CWF19L2: variants seen among roughly 807,000 people sequenced by gnomAD.
The protein encoded by CWF19L2 is CWF19-like protein 2.
In CWF19L2, 98 loss-of-function variants were observed where a neutral mutation model predicts 111.7. The observed-to-expected ratio is 0.88, with a 90% CI of 0.75 to 1.04. The LOEUF (loss-of-function observed/expected upper bound fraction) is 1.04. CWF19L2 is among the 50% of genes least tolerant of loss of function. The probability of loss-of-function intolerance (pLI) is 0.00; values close to 1 mark genes in which losing one functional copy is unlikely to be tolerated. For synonymous variants in CWF19L2, 351 were observed against 342.9 expected, an observed-to-expected ratio of 1.02 and a Z score of -0.26; for missense variants, 1,101 against 1,051.4, an observed-to-expected ratio of 1.05 and a Z score of -0.65.
intron 15 of CWF19L2, 89 bp downstream of exon 15, chr11:107,336,469 G>C: frequency 9.3e-7 from 1 of 1,069,764 alleles, no homozygotes; most frequent in Non-Finnish European, 1.4e-6. Flanking sequence ...AAGTATATAG[G>C]AGAAAAATAT....
intron 10 of CWF19L2, among the ~76,000 whole-genome samples, chr11:107,411,346 T>C (rs1861155079): frequency 6.6e-6 from 1 of 152,134 alleles, no homozygotes; most frequent in East Asian, 1.9e-4. Flanking sequence ...AAAAGTATAG[T>C]AATAGCTCTG....
At chr11:107,385,253 C>T (rs1009555508) in intron 12 of CWF19L2, among the ~76,000 whole-genome samples, 2 of 151,916 alleles carry the variant, frequency 1.3e-5, no homozygotes, top group Non-Finnish European at 2.9e-5. Context: ...CTTCCATTGG[C>T]CCCACTGCAC....
rs1363337381 is a variant in CWF19L2 at position 107,372,097 on chromosome 11, AC to A, written c.1872+17976del. Among the ~76,000 whole-genome samples the A allele has an allele frequency of 5.9e-5, 8 of 135,660 alleles. 2 individuals are homozygous for A. In the East Asian group the frequency reaches 1.1e-3, roughly 18 times the overall value. The allele number at this position is 135,660 out of a possible 152,430, so 89.0% of individuals were successfully genotyped here. On this transcript the variant is annotated intron_variant, in intron 12 of 17. Coordinates refer to ENST00000282251, the MANE Select transcript of CWF19L2 (RefSeq NM_152434.3). ...AGTCCCAAATATGAGACTCCAGAAA[AC>A]AAATATTTATTGAATGCTATTATGT...
intron 10 of CWF19L2, among the ~76,000 whole-genome samples, chr11:107,397,334 G>A (rs1167479505): frequency 6.6e-6 from 1 of 152,172 alleles, no homozygotes; most frequent in African/African-American, 2.4e-5. Context: ...GGGGCACAGT[G>A]AGAGTGAGAC....
intron 12 of CWF19L2, among the ~76,000 whole-genome samples, chr11:107,363,217 A>T (rs2508683): frequency 2.0e-5 from 3 of 151,924 alleles, no homozygotes; most frequent in South Asian, 4.2e-4. Context: ...TGAAAGTGAC[A>T]GGGAGAATGG....
rs777628193 is a variant in CWF19L2 at position 107,353,722 on chromosome 11, T to C, written c.1887A>G (p.Thr629=). ...CATCCAGGGTGTAATAGTCTCCATC[T>C]GTTTTTCCCATAAACTGAAAAACCA... The part of the protein sequence containing the change: ...MRMASKFMGK[T]DGDYYTLDDM... Residue 629 remains threonine (T), a synonymous_variant, in exon 13 of 18, where the codon ACA becomes ACG. Transcript: ENST00000282251. The C allele has an allele frequency of 1.2e-6, 2 of 1,613,718 alleles. No homozygotes were observed. Among genetic ancestry groups the C allele is most frequent in the South Asian group, 2.2e-5 (2 of 91,068 alleles).
chr11:107,389,618 T>C (rs964924274), intron 12 of CWF19L2, among the ~76,000 whole-genome samples: 3 of 152,200 alleles, frequency 2.0e-5, no homozygotes, highest in African/African-American at 7.2e-5. Flanking sequence ...TATATTTTCA[T>C]ATAAATAGAT....
intron 10 of CWF19L2, among the ~76,000 whole-genome samples, chr11:107,412,411 G>A (rs1861170108): frequency 6.6e-6 from 1 of 152,166 alleles, no homozygotes; most frequent in African/African-American, 2.4e-5. Flanking sequence ...CACAATCTCA[G>A]CTCACTGCAA....
At chr11:107,362,009 T>G (rs1197664608) in intron 12 of CWF19L2, among the ~76,000 whole-genome samples, 3 of 152,164 alleles carry the variant, frequency 2.0e-5, no homozygotes, top group African/African-American at 7.2e-5. Flanking sequence ...TTGCCGCACT[T>G]GGGAAGCGCA....
chr11:107,397,324 G>A (rs1258443669), intron 10 of CWF19L2, among the ~76,000 whole-genome samples: 2 of 152,092 alleles, frequency 1.3e-5, no homozygotes, highest in Admixed American at 6.5e-5. Context: ...GCTGTTGGTG[G>A]GGGCACAGTG....
intron 8 of CWF19L2, among the ~76,000 whole-genome samples, chr11:107,426,461 T>G (rs770866274): frequency 6.6e-6 from 1 of 151,906 alleles, no homozygotes; most frequent in Admixed American, 6.6e-5. Flanking sequence ...TTCCACTCCT[T>G]GGAATTTATT....
At chr11:107,353,822 A>T in intron 12 of CWF19L2, 86 bp from the exon 13 acceptor site, 2 of 940,860 alleles carry the variant, frequency 2.1e-6, no homozygotes, top group Non-Finnish European at 3.3e-6. Context: ...CTGTATCTGT[A>T]AGTTCTATGA....
chr11:107,330,300 T>C (rs976091586), intron 16 of CWF19L2, among the ~76,000 whole-genome samples: 2 of 152,174 alleles, frequency 1.3e-5, no homozygotes, highest in Non-Finnish European at 2.9e-5. Context: ...GGGGAAATTA[T>C]ACTTTTAAAA....
chr11:107,428,962 C>A lies in CWF19L2; in HGVS notation c.1270G>T (p.Gly424Trp), dbSNP rs749881181. 1 of 1,613,474 alleles carries A rather than the reference C, an allele frequency of 6.2e-7. No individual in the cohort carries two copies. The highest frequency in any genetic ancestry group is 2.2e-5 in the East Asian group (1 of 44,844). Residue 424 changes from glycine to tryptophan, a missense_variant, in exon 8 of 18, where the codon GGG becomes TGG. By Grantham distance (184) the Gly-to-Trp change is radical. Coordinates refer to ENST00000282251, the MANE Select transcript of CWF19L2 (RefSeq NM_152434.3). ...ERLTSWSRSD[G>W]RGDKKHSNQK... ...TTTGAATGTTTCTTGTCTCCTCTCC[C>A]ATCAGAGCGACTCCATGATGTTAAT...
rs554976179 is a variant in CWF19L2, at chr11:107,369,454, C to T, written c.1873-15718G>A. Among the ~76,000 whole-genome samples, 4 of 137,332 alleles carry T rather than the reference C, an allele frequency of 2.9e-5. No individual in the cohort carries two copies. In the East Asian group the frequency reaches 6.3e-4, roughly 22 times the overall value. The allele number at this position is 137,332 out of a possible 152,430, so 90.1% of individuals were successfully genotyped here. On this transcript the variant is annotated intron_variant, in intron 12 of 17. Coordinates refer to ENST00000282251, the MANE Select transcript of CWF19L2 (RefSeq NM_152434.3). ...TTGACTAGTATCAAGAGAAAAAACA[C>T]AAAATGCCACATTTTTAAAACCATA...
intron 6 of CWF19L2, among the ~76,000 whole-genome samples, chr11:107,436,551 T>C (rs1443417817): frequency 6.6e-6 from 1 of 152,202 alleles, no homozygotes; most frequent in Admixed American, 6.5e-5. Context: ...ATTAACTTCT[T>C]TGGACCTTTG....
At chr11:107,358,866 G>T (rs1475349255) in intron 12 of CWF19L2, among the ~76,000 whole-genome samples, 5 of 152,152 alleles carry the variant, frequency 3.3e-5, no homozygotes, top group Non-Finnish European at 7.4e-5. Context: ...AGTAAAGCTG[G>T]TCTTGAGGAC....
At chr11:107,349,964 T>G (rs1479578953) in intron 13 of CWF19L2, among the ~76,000 whole-genome samples, 1 of 152,108 alleles carries the variant, frequency 6.6e-6, no homozygotes, top group Non-Finnish European at 1.5e-5. Context: ...ACATAATCAC[T>G]GAGATAAAGA....
intron 10 of CWF19L2, among the ~76,000 whole-genome samples, chr11:107,397,447 A>C (rs1360204337): frequency 6.6e-6 from 1 of 151,840 alleles, no homozygotes; most frequent in African/African-American, 2.4e-5. Flanking sequence ...CCATAATCCT[A>C]ATAATAGGTA....
Sources: gnomAD v4.1 joint callset for allele counts (sites outside exome capture counted in the v4.1 genomes callset) on GRCh38, gnomAD v4.1.1 for gene constraint, MANE v1.5 for transcripts, NCBI Gene and HGNC (gene_info 2026-07-23, HGNC 2026-07-21) for gene names.